The following GRINA variants were observed in gnomAD, a reference collection of about 807,000 sequenced individuals.
GRINA encodes glutamate ionotropic receptor NMDA type subunit associated protein 1.
A neutral mutation model predicts 42.5 loss-of-function variants in GRINA; 26 were observed. The ratio of observed to expected loss-of-function variants is 0.61; its 90% CI spans 0.45 to 0.85. The LOEUF (loss-of-function observed/expected upper bound fraction) is 0.85, where lower values mean the gene tolerates loss of function less well. Ranked by LOEUF, GRINA falls within the 40% of genes least tolerant of loss-of-function variation. The pLI, the probability that GRINA is intolerant of heterozygous loss-of-function variation, is 0.00. For synonymous variants in GRINA, 256 were observed against 204.2 expected, an observed-to-expected ratio of 1.25 and a Z score of -2.17; for missense variants, 475 against 481.5, an observed-to-expected ratio of 0.99 and a Z score of 0.13.
At chr8:143,991,136 A>G (rs1260143082) in intron 1 of GRINA, 64 bp from the exon 2 acceptor site, 3 of 852,860 alleles carry the variant, frequency 3.5e-6, no homozygotes, top group Non-Finnish European at 5.4e-6. Flanking sequence ...GGAGTTGCGC[A>G]GGGCTGGGTC....
chr8:143,992,204 G>C, intron 4 of GRINA, 41 bp from the exon 5 acceptor site: 4 of 1,601,716 alleles, frequency 2.5e-6, no homozygotes, highest in Non-Finnish European at 3.4e-6. Flanking sequence ...GGGTGGCATG[G>C]GGGCACACAC....
chr8:143,990,316 G>A lies in GRINA; in HGVS notation c.-25+117G>A, dbSNP rs1834069802. 1 of 150,398 alleles carries A rather than the reference G, an allele frequency of 6.6e-6. No homozygotes were observed. Among genetic ancestry groups the A allele is most frequent in the Non-Finnish European group, 1.5e-5 (1 of 67,262 alleles). The allele number at this position is 150,398 out of a possible 1,614,324, so 9.3% of individuals were successfully genotyped here. On this transcript the variant is annotated intron_variant, in intron 1 of 6. Transcript: ENST00000395068. This position sits in a 1 kb window ranked among gnomAD's most constrained non-coding sequence, Gnocchi z 5.6. ...ATCCGAGCGTGGCCGCCTCGGGTCA[G>A]TAAGTTGGTCCGGCCGGGGCGCGCG...
intron 6 of GRINA, 32 bp from the exon 7 acceptor site, chr8:143,992,660 G>C: frequency 5.6e-6 from 9 of 1,613,904 alleles, no homozygotes; most frequent in Non-Finnish European, 7.6e-6. Context: ...AGGCAGGCTT[G>C]TCCCTCAACA....
chr8:143,991,878 G>A lies in GRINA; in HGVS notation c.493G>A (p.Val165Met). ...TGACTCTGAGCGGCTCCTTCCCCAG[G>A]TGTTCCTAGTGCTGACCTTGCAGCT... ...KSIRQAFIRK[V>M]FLVLTLQLSV... The change falls in exon 4 of 7, where the codon GTG (valine) becomes ATG (methionine). Residue 165 changes from valine (V) to methionine (M), a missense_variant and splice_region_variant. Val to Met is a conservative substitution (Grantham distance 21). Transcript: ENST00000395068. The A allele has an allele frequency of 6.2e-7, 1 of 1,610,774 alleles. No individual in the cohort carries two copies. The highest frequency in any genetic ancestry group is 8.5e-7 in the Non-Finnish European group (1 of 1,177,882).
Position 143,990,393 on chromosome 8 carries a change from G to T in GRINA, c.-25+194G>T, listed in dbSNP as rs1554750267. 6.6e-6 allele frequency: 1 copy of T among 151,500 alleles called. No homozygotes were observed. The highest frequency in any genetic ancestry group is 6.6e-5 in the Admixed American group (1 of 15,184). The allele number at this position is 151,500 out of a possible 1,614,324, so 9.4% of individuals were successfully genotyped here. A position where few individuals can be genotyped will look rare whatever the true frequency, so the allele number is the denominator to read the frequency against. On this transcript the variant is annotated intron_variant, in intron 1 of 6. Transcript: ENST00000395068. The surrounding 1 kb of genome is among the most constrained non-coding windows in gnomAD (Gnocchi z 5.6). ...GTGGTGGGGGCGGGGAGCCGCGGCG[G>T]CCTGGAGCCGGAGGGAGGGGGCGGC...
rs782789467 is a variant in GRINA, at chr8:143,991,549, T to TC, written c.333dup (p.Asn112GlnfsTer15). 5 of 1,547,150 alleles carry TC rather than the reference T, an allele frequency of 3.2e-6. No homozygotes were observed. Among genetic ancestry groups the TC allele is most frequent in the Non-Finnish European group, 3.5e-6 (4 of 1,130,512 alleles). ...CAGGGGCCATATCCCCAGAGCCCCT[T>TC]CCCCCCCAACCCCTATGGACAGCCA... is the stretch of plus-strand genomic sequence containing the variant. On this transcript the variant is annotated frameshift_variant, in exon 2 of 7. Transcript: ENST00000395068. LOFTEE classifies it high-confidence loss of function.
chr8:143,992,878 G>C lies in GRINA; in HGVS notation c.*37G>C. On this transcript the variant is annotated 3_prime_UTR_variant, in exon 7 of 7. Coordinates refer to ENST00000395068, the MANE Select transcript of GRINA (RefSeq NM_001009184.2). ...CTCGCTGTGCCCGCTCAGGTGGCACGGCTGGCCTGGACCCTGCCCCTGGCA... is the reference window on the plus strand; with the variant it reads ...CTCGCTGTGCCCGCTCAGGTGGCACCGCTGGCCTGGACCCTGCCCCTGGCA... 1 of 1,596,202 alleles carries C rather than the reference G, an allele frequency of 6.3e-7. No individual in the cohort carries two copies. Among genetic ancestry groups the C allele is most frequent in the Non-Finnish European group, 8.5e-7 (1 of 1,169,666 alleles).
rs538211784 is a variant in GRINA, at chr8:143,992,265, G to T, written c.714G>T (p.Leu238=). ...TGCAGTCGGTCCTGACCGCCAGCCT[G>T]TCGTACATGGTGGGGATGATCGCCA... ...LVALSVLTAS[L]SYMVGMIASF... is the part of the protein sequence containing the mutation. The change falls in exon 5 of 7, where the codon CTG becomes CTT. Residue 238 remains leucine, a synonymous_variant. Coordinates refer to ENST00000395068, the MANE Select transcript of GRINA (RefSeq NM_001009184.2). 71 of 1,600,704 alleles carry T rather than the reference G, an allele frequency of 4.4e-5. No homozygotes were observed. Among genetic ancestry groups the T allele is most frequent in the Non-Finnish European group, 5.5e-5 (65 of 1,172,166 alleles).
At chr8:143,991,646 G>GCTC in intron 2 of GRINA, 44 bp downstream of exon 2, 1 of 1,592,386 alleles carries the variant, frequency 6.3e-7, no homozygotes, top group Non-Finnish European at 8.6e-7. Context: ...GGAGGGCAGG[G>GCTC]GGAGGTGCTT....
chr8:143,991,544 C>T lies in GRINA; in HGVS notation c.321C>T (p.Ser107=). The T allele has an allele frequency of 1.3e-6, 2 of 1,549,002 alleles. No individual in the cohort carries two copies. The highest frequency in any genetic ancestry group is 1.8e-6 in the Non-Finnish European group (2 of 1,133,434). The part of the protein sequence containing the change: ...GGYPQGPYPQ[S]PFPPNPYGQP... ...ACCCCCAGGGGCCATATCCCCAGAG[C>T]CCCTTCCCCCCCAACCCCTATGGAC... Residue 107 remains serine (S), a synonymous_variant, in exon 2 of 7, where the codon AGC becomes AGT. Transcript: ENST00000395068.
Position 143,991,970 on chromosome 8 carries a change from G to C in GRINA, c.585G>C (p.Glu195Asp). ...FVAEVKGFVR[E>D]NVWTYYVSYA... ...CGGAGGTGAAGGGCTTTGTCCGGGA[G>C]AATGTCTGGACCTACTATGTCTCCT... The change falls in exon 4 of 7, where the codon GAG becomes GAC. Residue 195 changes from glutamate (E) to aspartate (D), a missense_variant. Around this residue, in one of 2 missense-constraint regions of GRINA, gnomAD observed 321 missense variants for 267.2 expected, o/e 1.20. Transcript: ENST00000395068. 6.2e-7 allele frequency: 1 copy of C among 1,613,594 alleles called. No homozygotes were observed. The highest frequency in any genetic ancestry group is 1.1e-5 in the South Asian group (1 of 91,074).
rs112590665 is a variant in GRINA at position 143,992,079 on chromosome 8, G to T, written c.693+1G>T. 1 of 1,613,530 alleles carries T rather than the reference G, an allele frequency of 6.2e-7. No individual in the cohort carries two copies. The highest frequency in any genetic ancestry group is 8.5e-7 in the Non-Finnish European group (1 of 1,179,604). The stretch of plus-strand genomic sequence containing the variant: ...GCACCCCTGGAACCTTGTTGCACTG[G>T]TAACCCCCAAACCTGAGCCTCTGTG... On this transcript the variant is annotated splice_donor_variant, in intron 4 of 6. Coordinates refer to ENST00000395068, the MANE Select transcript of GRINA (RefSeq NM_001009184.2). LOFTEE classifies it high-confidence loss of function.
rs567920896 is a variant in GRINA at position 143,992,697 on chromosome 8, C to T, written c.972C>T (p.Leu324=). 8.7e-6 allele frequency: 14 copies of T among 1,613,930 alleles called. No homozygotes were observed. Among genetic ancestry groups the T allele is most frequent in the East Asian group, 4.5e-5 (2 of 44,880 alleles). The change falls in exon 7 of 7, where the codon CTC becomes CTT. Residue 324 remains leucine, a synonymous_variant. Coordinates refer to ENST00000395068, the MANE Select transcript of GRINA (RefSeq NM_001009184.2). ...CACTGTGCTGTCACCTCCAGTTCCT[C>T]GCAGTGGACACCCAGCTGCTACTGG... The part of the protein sequence containing the change: ...SLGALLFTCF[L]AVDTQLLLGN...
Position 143,992,869 on chromosome 8 carries a change from A to G in GRINA, c.*28A>G, listed in dbSNP as rs1554750834. 1 of 1,606,630 alleles carries G rather than the reference A, an allele frequency of 6.2e-7. No individual in the cohort carries two copies. Among genetic ancestry groups the G allele is most frequent in the East Asian group, 2.2e-5 (1 of 44,722 alleles). ...GAGCTCCAGCTCGCTGTGCCCGCTCAGGTGGCACGGCTGGCCTGGACCCTG... is the reference window on the plus strand; with the variant it reads ...GAGCTCCAGCTCGCTGTGCCCGCTCGGGTGGCACGGCTGGCCTGGACCCTG... On this transcript the variant is annotated 3_prime_UTR_variant, in exon 7 of 7. Coordinates refer to ENST00000395068, the MANE Select transcript of GRINA (RefSeq NM_001009184.2).
chr8:143,991,557 A>G lies in GRINA; in HGVS notation c.334A>G (p.Asn112Asp). Residue 112 changes from asparagine to aspartate, a missense_variant, in exon 2 of 7, where the codon AAC (asparagine) becomes GAC (aspartate). By Grantham distance (23) the Asn-to-Asp change is conservative. Transcript: ENST00000395068. ...ATATCCCCAGAGCCCCTTCCCCCCC[A>G]ACCCCTATGGACAGCCACAGGTCTT... is the stretch of plus-strand genomic sequence containing the variant. Reference protein sequence around the residue: ...GPYPQSPFPPNPYGQPQVFPG... With the variant: ...GPYPQSPFPPDPYGQPQVFPG... 1 of 1,508,922 alleles carries G rather than the reference A, an allele frequency of 6.6e-7. No homozygotes were observed. Among genetic ancestry groups the G allele is most frequent in the South Asian group, 1.1e-5 (1 of 88,224 alleles). 93.5% of individuals were successfully genotyped at this position (1,508,922 alleles called of 1,614,324 possible).
In GRINA at chr8:143,992,979, C is replaced by G; in HGVS notation, c.*138C>G. ...GGGAAAAGGATGCCTCTCTCCAACCCTCCTGTATGTACACTGCAGATACTT... is the reference window on the plus strand; with the variant it reads ...GGGAAAAGGATGCCTCTCTCCAACCGTCCTGTATGTACACTGCAGATACTT... On this transcript the variant is annotated 3_prime_UTR_variant, in exon 7 of 7. Transcript: ENST00000395068. 1 of 700,614 alleles carries G rather than the reference C, an allele frequency of 1.4e-6. No individual in the cohort carries two copies. Among genetic ancestry groups the G allele is most frequent in the Non-Finnish European group, 2.4e-6 (1 of 418,608 alleles). The allele number at this position is 700,614 out of a possible 1,614,324, so 43.4% of individuals were successfully genotyped here. A position where few individuals can be genotyped will look rare whatever the true frequency, so the allele number is the denominator to read the frequency against.
Position 143,991,357 on chromosome 8 carries a change from C to A in GRINA, c.134C>A (p.Pro45His). Residue 45 changes from proline (P) to histidine (H), a missense_variant, in exon 2 of 7, where the codon CCC (proline) becomes CAC (histidine). Pro to His is a moderately conservative substitution (Grantham distance 77). Around this residue, in one of 2 missense-constraint regions of GRINA, gnomAD observed 321 missense variants for 267.2 expected, o/e 1.20. Coordinates refer to ENST00000395068, the MANE Select transcript of GRINA (RefSeq NM_001009184.2). Reference sequence around the variant, plus strand: ...TACCCTGGGGCCCCTTACCCACAGCCCCCTTTCCAGCCCTCCCCCTACGGT... The same window carrying A: ...TACCCTGGGGCCCCTTACCCACAGCACCCTTTCCAGCCCTCCCCCTACGGT... ...PPYPGAPYPQ[P>H]PFQPSPYGQP... is the part of the protein sequence containing the mutation. 3 of 1,291,228 alleles carry A rather than the reference C, an allele frequency of 2.3e-6. No homozygotes were observed. Among genetic ancestry groups the A allele is most frequent in the Non-Finnish European group, 3.2e-6 (3 of 936,286 alleles). The allele number at this position is 1,291,228 out of a possible 1,614,324, so 80.0% of individuals were successfully genotyped here.
Position 143,992,542 on chromosome 8 carries a change from C to T in GRINA, c.900C>T (p.Cys300=). Residue 300 remains cysteine, a synonymous_variant, in exon 6 of 7, where the codon TGC becomes TGT. Coordinates refer to ENST00000395068, the MANE Select transcript of GRINA (RefSeq NM_001009184.2). ...MVVLFIFAIL[C]IFIRNRILEI... ...TGCTCTTCATCTTCGCCATTCTCTG[C>T]ATCTTCATCCGGAACCGCATCCTGG... The T allele has an allele frequency of 6.2e-7, 1 of 1,614,178 alleles. No individual in the cohort carries two copies. Among genetic ancestry groups the T allele is most frequent in the Non-Finnish European group, 8.5e-7 (1 of 1,180,018 alleles).
chr8:143,991,003 GC>G, intron 1 of GRINA, 196 bp from the exon 2 acceptor site: 1 of 392,768 alleles, frequency 2.5e-6, no homozygotes, highest in Non-Finnish European at 4.6e-6. Context: ...CCCTGGGAAG[GC>G]CCCACGGCGC....
Sources: allele counts gnomAD v4.1 joint callset, GRCh38; gene constraint gnomAD v4.1.1; regional missense constraint gnomAD v4.1.1; non-coding constraint Gnocchi (gnomAD v3.1); transcripts MANE v1.5; gene names NCBI Gene and HGNC (gene_info 2026-07-23, HGNC 2026-07-21).